NBEA: variants seen among roughly 807,000 people sequenced by gnomAD.
NBEA encodes the protein lysosomal-trafficking regulator 2.
In NBEA, 44 loss-of-function variants were observed where a neutral mutation model predicts 343.4. That is an observed-to-expected ratio of 0.13 (90% CI 0.10 to 0.16). The LOEUF is 0.16. Ranked by LOEUF, NBEA falls within the 10% of genes least tolerant of loss-of-function variation. NBEA has a pLI of 1.00. For synonymous variants in NBEA, 1,175 were observed against 1,238.7 expected (o/e 0.95, Z 1.08); for missense variants, 2,555 against 3,631.3 (o/e 0.70, Z 7.62).
chr13:35,175,005 A>G (rs571146998), intron 27 of NBEA, among the ~76,000 whole-genome samples: 2 of 152,078 alleles, frequency 1.3e-5, no homozygotes, highest in South Asian at 2.1e-4. Context: ...ATTGGCCAGG[A>G]TGGTCTAGAT....
chr13:35,567,532 A>C (rs2153026510), intron 45 of NBEA, among the ~76,000 whole-genome samples: 1 of 152,352 alleles, frequency 6.6e-6, no homozygotes, highest in Admixed American at 6.5e-5. Flanking sequence ...AATTTTTATT[A>C]GCTCACCTCA....
At chr13:35,620,218 A>G (rs2082919793) in intron 48 of NBEA, among the ~76,000 whole-genome samples, 1 of 152,074 alleles carries the variant, frequency 6.6e-6, no homozygotes. Flanking sequence ...CAATTTTTTA[A>G]AAGTGAAATA....
At chr13:35,189,840 A>G (rs553758858) in intron 30 of NBEA, among the ~76,000 whole-genome samples, 3 of 152,266 alleles carry the variant, frequency 2.0e-5, no homozygotes, top group African/African-American at 4.8e-5. Context: ...TTGGAAAGCA[A>G]TCAGAGGTTT....
At chr13:35,034,720 A>T (rs769345756) in intron 1 of NBEA, among the ~76,000 whole-genome samples, 1 of 151,700 alleles carries the variant, frequency 6.6e-6, no homozygotes, top group Non-Finnish European at 1.5e-5. Flanking sequence ...CTTGTTATTA[A>T]TCTGTTCAGG....
rs7320254 is a variant in NBEA at position 35,165,987 on chromosome 13, C to T, written c.4233+1478C>T. 7.8e-3 allele frequency among the ~76,000 whole-genome samples: 1,178 copies of T among 151,950 alleles called. 17 individuals carry two copies. Among genetic ancestry groups the T allele is most frequent in the African/African-American group, 0.026 (1,097 of 41,490 alleles). ...GGCATGAGCCACTGCTCCCGGCCAA[C>T]GTGTTTTTTGTTTTATATATTGAAG... On this transcript the variant is annotated intron_variant, in intron 24 of 58. Coordinates refer to ENST00000379939, the MANE Select transcript of NBEA (RefSeq NM_001385012.1).
intron 41 of NBEA, among the ~76,000 whole-genome samples, chr13:35,521,365 C>T (rs1293349349): frequency 2.6e-5 from 4 of 152,036 alleles, no homozygotes; most frequent in Non-Finnish European, 5.9e-5. Flanking sequence ...ATTATTATTA[C>T]AAGTATGAAT....
intron 1 of NBEA, among the ~76,000 whole-genome samples, chr13:34,970,833 T>C (rs2059975010): frequency 1.3e-5 from 2 of 152,212 alleles, no homozygotes; most frequent in African/African-American, 2.4e-5. Flanking sequence ...TTCTTTTTGC[T>C]TAGGATTGCT....
intron 1 of NBEA, 52 bp from the exon 2 acceptor site, chr13:35,040,881 T>G (rs2062624774): frequency 4.2e-6 from 6 of 1,441,110 alleles, no homozygotes; most frequent in Non-Finnish European, 5.8e-6. Context: ...CATTCTACTG[T>G]CATCGATAAC....
intron 41 of NBEA, among the ~76,000 whole-genome samples, chr13:35,528,249 A>G (rs182446961): frequency 2.1e-4 from 32 of 152,384 alleles, no homozygotes; most frequent in Admixed American, 8.5e-4. Context: ...TTTAGTCATC[A>G]TCAAGAAAAT....
chr13:35,035,964 T>G (rs565716347), intron 1 of NBEA, among the ~76,000 whole-genome samples: 3 of 152,102 alleles, frequency 2.0e-5, no homozygotes, highest in African/African-American at 7.2e-5. Context: ...TTTCATCCAT[T>G]TAGTTAGTCT....
intron 45 of NBEA, among the ~76,000 whole-genome samples, chr13:35,574,598 G>A (rs887824781): frequency 1.6e-4 from 25 of 151,990 alleles, no homozygotes; most frequent in African/African-American, 5.8e-4. Flanking sequence ...CTGTGAAAGT[G>A]CCTAAAGCTG....
At chr13:35,096,794 G>C (rs935982203) in intron 10 of NBEA, among the ~76,000 whole-genome samples, 14 of 151,862 alleles carry the variant, frequency 9.2e-5, no homozygotes, top group African/African-American at 3.1e-4. Context: ...AAGTGGCCTT[G>C]ACTATTCAAT....
chr13:35,008,690 T>C (rs1229708842), intron 1 of NBEA, among the ~76,000 whole-genome samples: 1 of 152,098 alleles, frequency 6.6e-6, no homozygotes, highest in Admixed American at 6.5e-5. Context: ...TCTCCCAATT[T>C]CCTCATCTCA....
intron 38 of NBEA, among the ~76,000 whole-genome samples, chr13:35,404,233 C>CCCAG (rs1365029341): frequency 6.6e-6 from 1 of 152,004 alleles, no homozygotes; most frequent in Admixed American, 6.6e-5. Context: ...TACCATTTGA[C>CCCAG]CCAGCCATCC....
chr13:35,543,209 G>A (rs2153006918), intron 41 of NBEA, among the ~76,000 whole-genome samples: 1 of 152,200 alleles, frequency 6.6e-6, no homozygotes, highest in African/African-American at 2.4e-5. Context: ...CTCTTAATGG[G>A]ATGAATAGTT....
chr13:35,627,602 C>T (rs1174575943), intron 48 of NBEA, among the ~76,000 whole-genome samples: 1 of 152,064 alleles, frequency 6.6e-6, no homozygotes, highest in African/African-American at 2.4e-5. Flanking sequence ...ATATTCCCTT[C>T]TAGTCATCTC....
At chr13:35,526,736 G>A (rs2077993316) in intron 41 of NBEA, among the ~76,000 whole-genome samples, 1 of 152,228 alleles carries the variant, frequency 6.6e-6, no homozygotes, top group African/African-American at 2.4e-5. Flanking sequence ...CAGGCACAGA[G>A]TGGTGAAGAA....
At chr13:35,645,720 C>A in intron 49 of NBEA, 149 bp from the exon 50 acceptor site, 2 of 442,110 alleles carry the variant, frequency 4.5e-6, no homozygotes, top group South Asian at 6.5e-5. Context: ...ATTTTTGTAA[C>A]AAAAGTTTTG....
intron 8 of NBEA, among the ~76,000 whole-genome samples, chr13:35,067,746 A>AT (rs936618670): frequency 5.3e-5 from 8 of 152,024 alleles, no homozygotes; most frequent in African/African-American, 1.4e-4. Context: ...TTTAAAAAAA[A>AT]TTTTTTAAGA....
Sources: gnomAD v4.1 joint callset for allele counts (sites outside exome capture counted in the v4.1 genomes callset) on GRCh38, gnomAD v4.1.1 for gene constraint, MANE v1.5 for transcripts, NCBI Gene and HGNC (gene_info 2026-07-23, HGNC 2026-07-21) for gene names.